The following ZNF518A variants were observed in gnomAD, a reference collection of about 807,000 sequenced individuals.
The protein encoded by ZNF518A is zinc finger protein 518A, also known as zinc finger protein 518.
Under a neutral mutation model 102.7 loss-of-function variants are expected in ZNF518A, and 47 were observed. That is an observed-to-expected ratio of 0.46 (90% CI 0.36 to 0.58). The LOEUF (loss-of-function observed/expected upper bound fraction) is 0.58, where lower values mean the gene tolerates loss of function less well. Among genes scored for constraint, ZNF518A ranks in the 20% least tolerant of loss-of-function variants. ZNF518A has a pLI of 0.00. For missense variants in ZNF518A, 1,793 were observed against 1,699.8 expected (o/e 1.05, Z -0.96); for synonymous variants, 652 against 594.6 (o/e 1.10, Z -1.40).
chr10:96,159,512 A>C lies in ZNF518A; in HGVS notation c.3190A>C (p.Ile1064Leu), dbSNP rs1479595345. 6.2e-7 allele frequency: 1 copy of C among 1,613,752 alleles called. No individual in the cohort carries two copies. Among genetic ancestry groups the C allele is most frequent in the Non-Finnish European group, 8.5e-7 (1 of 1,179,808 alleles). Residue 1064 changes from isoleucine to leucine, a missense_variant, in exon 6 of 6, where the codon ATT becomes CTT. Ile to Leu is a conservative substitution (Grantham distance 5, BLOSUM62 2). This residue lies in a region of ZNF518A where 1,741 missense variants were observed against 1,622.6 expected (regional missense o/e 1.07). Transcript: ENST00000316045. ...AACGAGTTCTGTGAAAGCTGTTCTTATTCCTAACATGCTATCTGAGCAACA... is the reference window on the plus strand; with the variant it reads ...AACGAGTTCTGTGAAAGCTGTTCTTCTTCCTAACATGCTATCTGAGCAACA... ...KPTSSVKAVL[I>L]PNMLSEQQST...
chr10:96,174,171 G>A (rs2083189905), intron 1 of ZNF518A, among the ~76,000 whole-genome samples: 1 of 151,868 alleles, frequency 6.6e-6, no homozygotes, highest in African/African-American at 2.4e-5. Flanking sequence ...ACTTAAAAAT[G>A]ACTAAAATGG....
chr10:96,150,177 A>G (rs1761825480), intron 3 of ZNF518A, among the ~76,000 whole-genome samples: 2 of 151,404 alleles, frequency 1.3e-5, no homozygotes, highest in South Asian at 2.1e-4. Flanking sequence ...ACAAAAAAAA[A>G]AAAAAAATTA....
At position 96,158,969 on chromosome 10, in the gene ZNF518A, G is replaced by A; in HGVS notation, c.2647G>A (p.Gly883Ser). The change falls in exon 6 of 6, where the codon GGT (glycine) becomes AGT (serine). Residue 883 changes from glycine to serine, a missense_variant. Gly to Ser is a moderately conservative substitution (Grantham distance 56, BLOSUM62 0). Transcript: ENST00000316045. ...TTCAGAGAAGATGCCTAGAATTTCA[G>A]GTTTTGGCACATTACTTAAGACTCA... is the stretch of plus-strand genomic sequence containing the variant. ...RDSEKMPRIS[G>S]FGTLLKTQSD... The A allele has an allele frequency of 6.2e-7, 1 of 1,613,564 alleles. No homozygotes were observed. The highest frequency in any genetic ancestry group is 8.5e-7 in the Non-Finnish European group (1 of 1,179,714).
intron 3 of ZNF518A, among the ~76,000 whole-genome samples, chr10:96,142,305 G>GGGGT (rs1299273019): frequency 8.1e-4 from 84 of 104,132 alleles, no homozygotes; most frequent in African/African-American, 2.2e-3. Flanking sequence ...ATATTCTTAG[G>GGGGT]GTGTGTGTGT....
chr10:96,191,294 C>T (rs782106874), intron 1 of ZNF518A, among the ~76,000 whole-genome samples: 34 of 144,856 alleles, frequency 2.3e-4, no homozygotes, highest in African/African-American at 3.9e-4. Flanking sequence ...TTATTAGCAG[C>T]GTGATAATGG....
At chr10:96,194,992 A>G (rs1420756082) in intron 1 of ZNF518A, among the ~76,000 whole-genome samples, 2 of 151,670 alleles carry the variant, frequency 1.3e-5, no homozygotes, top group African/African-American at 2.4e-5. Context: ...GATGGTCTCG[A>G]TCTCCTGACC....
intron 1 of ZNF518A, among the ~76,000 whole-genome samples, chr10:96,183,342 T>C (rs1385425143): frequency 6.6e-6 from 1 of 152,250 alleles, no homozygotes; most frequent in Non-Finnish European, 1.5e-5. Context: ...TAGTTATTTC[T>C]TGCCTTCTGC....
At chr10:96,142,345 TG>T (rs1564748515) in intron 3 of ZNF518A, among the ~76,000 whole-genome samples, 11 of 148,716 alleles carry the variant, frequency 7.4e-5, no homozygotes, top group Middle Eastern at 3.4e-3. Context: ...TGTGTGTGTG[TG>T]TGTGTGTGTT....
At chr10:96,177,217 C>G (rs1485425204) in intron 1 of ZNF518A, among the ~76,000 whole-genome samples, 1 of 151,944 alleles carries the variant, frequency 6.6e-6, no homozygotes, top group Non-Finnish European at 1.5e-5. Flanking sequence ...CTATGCAATC[C>G]AGAAGATAGT....
At chr10:96,164,141 CT>C (rs1554889504), downstream of ZNF518A, among the ~76,000 whole-genome samples, 1 of 152,122 alleles carries the variant, frequency 6.6e-6, no homozygotes, top group East Asian at 1.9e-4. Context: ...TTTGAAATAG[CT>C]GTTAAGAAAA....
chr10:96,154,284 G>A (rs1013159816), intron 3 of ZNF518A, among the ~76,000 whole-genome samples: 34 of 152,262 alleles, frequency 2.2e-4, no homozygotes, highest in Admixed American at 1.0e-3. Context: ...GCAGTGAGCC[G>A]TGATGGTGCC....
chr10:96,160,070 A>C lies in ZNF518A; in HGVS notation c.3748A>C (p.Thr1250Pro). 6.2e-7 allele frequency: 1 copy of C among 1,609,400 alleles called. No individual in the cohort carries two copies. Among genetic ancestry groups the C allele is most frequent in the Non-Finnish European group, 8.5e-7 (1 of 1,178,842 alleles). ...TGAGAGGAACTTCAATAGAAAAAAG[A>C]CTTCCAAAAAAATTTTTTCAAAAAC... ...RIERNFNRKK[T>P]SKKIFSKTKT... is the part of the protein sequence containing the mutation. The change falls in exon 6 of 6, where the codon ACT (threonine) becomes CCT (proline). Residue 1250 changes from threonine (T) to proline (P), a missense_variant. Coordinates refer to ENST00000316045, the MANE Select transcript of ZNF518A (RefSeq NM_001330736.2).
intron 1 of ZNF518A, among the ~76,000 whole-genome samples, chr10:96,202,632 G>T (rs2083675652): frequency 6.6e-6 from 1 of 152,110 alleles, no homozygotes; most frequent in Admixed American, 6.6e-5. Context: ...GTGAGGGCTT[G>T]GCAGGCCCAA....
rs116066653 is a variant in ZNF518A at position 96,149,999 on chromosome 10, T to C, written c.-301-5327T>C. Among the ~76,000 whole-genome samples the C allele has an allele frequency of 7.1e-3, 1,078 of 152,042 alleles. 14 individuals are homozygous for C. The highest frequency in any genetic ancestry group is 0.023 in the African/African-American group (964 of 41,484). Reference sequence around the variant, plus strand: ...TAAATGTTACTCCATTGTCTTCTCGTGTTTAGAGTTGTGAATAAAATGTCT... The same window carrying C: ...TAAATGTTACTCCATTGTCTTCTCGCGTTTAGAGTTGTGAATAAAATGTCT... On this transcript the variant is annotated intron_variant, in intron 3 of 5. Coordinates refer to ENST00000316045, the MANE Select transcript of ZNF518A (RefSeq NM_001330736.2).
chr10:96,150,307 C>T (rs2082371511), intron 3 of ZNF518A, among the ~76,000 whole-genome samples: 1 of 149,624 alleles, frequency 6.7e-6, no homozygotes, highest in African/African-American at 2.5e-5. Flanking sequence ...GCACTCCAGC[C>T]TGGGTGACAG....
At chr10:96,201,812 G>A (rs2083648851) in intron 1 of ZNF518A, among the ~76,000 whole-genome samples, 1 of 152,134 alleles carries the variant, frequency 6.6e-6, no homozygotes, top group South Asian at 2.1e-4. Context: ...GGGATATACA[G>A]CAGTTAACAA....
intron 1 of ZNF518A, among the ~76,000 whole-genome samples, chr10:96,188,421 G>C (rs1564805762): frequency 1.3e-5 from 2 of 152,210 alleles, no homozygotes; most frequent in South Asian, 4.1e-4. Flanking sequence ...TAACAGCTAT[G>C]CTATTACCTA....
At chr10:96,148,860 C>T (rs587739837) in intron 3 of ZNF518A, among the ~76,000 whole-genome samples, 2 of 152,254 alleles carry the variant, frequency 1.3e-5, no homozygotes, top group East Asian at 1.9e-4. Flanking sequence ...GGACTACAGG[C>T]GCCCACCACC....
At position 96,150,925 on chromosome 10, in the gene ZNF518A, G is replaced by T. The variant is rs189124931; in HGVS notation, c.-301-4401G>T. Among the ~76,000 whole-genome samples the T allele has an allele frequency of 4.9e-3, 737 of 151,276 alleles. 10 individuals are homozygous for T. Among genetic ancestry groups the T allele is most frequent in the African/African-American group, 0.017 (692 of 41,252 alleles). On this transcript the variant is annotated intron_variant, in intron 3 of 5. Coordinates refer to ENST00000316045, the MANE Select transcript of ZNF518A (RefSeq NM_001330736.2). ...CCACCACCATGCCTGACTAATTTTT[G>T]TATTTTTAGTAGAGACGGGGTTTCA...
Sources: allele counts gnomAD v4.1 joint callset (sites outside exome capture counted in the v4.1 genomes callset), GRCh38; gene constraint gnomAD v4.1.1; regional missense constraint gnomAD v4.1.1; transcripts MANE v1.5; gene names NCBI Gene and HGNC (gene_info 2026-07-23, HGNC 2026-07-21).